TBC1D12: variants seen among roughly 807,000 people sequenced by gnomAD.
TBC1D12 encodes the protein TBC1 domain family, member 12.
Under a neutral mutation model 86.7 loss-of-function variants are expected in TBC1D12, and 56 were observed. The observed-to-expected ratio is 0.65, with a 90% CI of 0.52 to 0.81. The LOEUF (loss-of-function observed/expected upper bound fraction) is 0.81, where lower values mean the gene tolerates loss of function less well. TBC1D12 is among the 30% of genes least tolerant of loss of function. The pLI, the probability that TBC1D12 is intolerant of heterozygous loss-of-function variation, is 0.00. For missense variants in TBC1D12, 1,023 were observed against 1,038.8 expected, an observed-to-expected ratio of 0.98 and a Z score of 0.21; for synonymous variants, 421 against 411.7, an observed-to-expected ratio of 1.02 and a Z score of -0.27.
At chr10:94,464,182 G>A (rs2055772618) in intron 2 of TBC1D12, among the ~76,000 whole-genome samples, 1 of 151,864 alleles carries the variant, frequency 6.6e-6, no homozygotes, top group African/African-American at 2.4e-5. Flanking sequence ...GTTGGGTCTT[G>A]CTTTTGTATA....
intron 3 of TBC1D12, among the ~76,000 whole-genome samples, chr10:94,484,328 A>C (rs923065399): frequency 6.8e-6 from 1 of 146,636 alleles, no homozygotes; most frequent in African/African-American, 2.5e-5. Context: ...GCTCACCGCA[A>C]CCTCCACCTC....
chr10:94,502,530 C>T (rs1431755466), intron 6 of TBC1D12, among the ~76,000 whole-genome samples: 1 of 151,852 alleles, frequency 6.6e-6, no homozygotes, highest in Non-Finnish European at 1.5e-5. Flanking sequence ...CATAGCGAGA[C>T]CCCGTCTCTA....
intron 2 of TBC1D12, among the ~76,000 whole-genome samples, chr10:94,454,914 T>C (rs558058062): frequency 6.6e-6 from 1 of 152,342 alleles, no homozygotes; most frequent in South Asian, 2.1e-4. Context: ...TCCAGAACAA[T>C]GTTGAGAAGC....
intron 11 of TBC1D12, among the ~76,000 whole-genome samples, chr10:94,524,810 G>A (rs1214828164): frequency 2.1e-5 from 3 of 145,664 alleles, no homozygotes; most frequent in Non-Finnish European, 3.0e-5. Context: ...TTATTTTTTC[G>A]TTCATTAAAA....
intron 9 of TBC1D12, among the ~76,000 whole-genome samples, chr10:94,518,869 G>A (rs1160200503): frequency 6.6e-6 from 1 of 152,194 alleles, no homozygotes; most frequent in Non-Finnish European, 1.5e-5. Flanking sequence ...GAAGTCAGGA[G>A]TTTGAGACCA....
chr10:94,496,938 T>C, intron 4 of TBC1D12, 117 bp from the exon 5 acceptor site: 1 of 496,310 alleles, frequency 2.0e-6, no homozygotes, highest in South Asian at 4.4e-5. Context: ...TTTCCTTCCT[T>C]CCTCTTATGA....
intron 2 of TBC1D12, among the ~76,000 whole-genome samples, chr10:94,445,828 A>T (rs1034292724): frequency 6.6e-6 from 1 of 151,728 alleles, no homozygotes; most frequent in African/African-American, 2.4e-5. Flanking sequence ...GGTGCCTATA[A>T]TTCCAGCTGC....
intron 9 of TBC1D12, among the ~76,000 whole-genome samples, chr10:94,515,302 A>G (rs2056577692): frequency 6.6e-6 from 1 of 151,670 alleles, no homozygotes; most frequent in Non-Finnish European, 1.5e-5. Flanking sequence ...CAGGGGATAT[A>G]TTCCAAGACA....
Position 94,452,187 on chromosome 10 carries a change from G to A in TBC1D12, c.1095+10168G>A, listed in dbSNP as rs536751220. ...CAGATTTGAGGAGAAAGTACAGAGA[G>A]TTCCATATAACTCCTGTCCCCACAT... On this transcript the variant is annotated intron_variant, in intron 2 of 12. Coordinates refer to ENST00000225235, the MANE Select transcript of TBC1D12 (RefSeq NM_015188.2). Among the ~76,000 whole-genome samples, 6 of 152,018 alleles carry A rather than the reference G, an allele frequency of 3.9e-5. No homozygotes were observed. In the South Asian group the frequency reaches 1.2e-3, roughly 32 times the overall value.
intron 2 of TBC1D12, among the ~76,000 whole-genome samples, chr10:94,443,294 C>G (rs887698678): frequency 1.3e-5 from 2 of 152,166 alleles, no homozygotes; most frequent in Non-Finnish European, 2.9e-5. Context: ...GCCTCCTCCT[C>G]TCCCTGTAAA....
intron 1 of TBC1D12, among the ~76,000 whole-genome samples, chr10:94,439,841 A>G (rs1348265264): frequency 6.6e-6 from 1 of 152,246 alleles, no homozygotes; most frequent in Non-Finnish European, 1.5e-5. Context: ...TGGAAGGAAA[A>G]TGATAGCCAT....
At chr10:94,418,050 G>A (rs1019375374) in intron 1 of TBC1D12, among the ~76,000 whole-genome samples, 1 of 152,070 alleles carries the variant, frequency 6.6e-6, no homozygotes, top group South Asian at 2.1e-4. Context: ...CACCGCGCCC[G>A]GCCCATGTAT....
intron 3 of TBC1D12, 144 bp downstream of exon 3, chr10:94,474,927 A>G: frequency 2.6e-6 from 2 of 771,724 alleles, no homozygotes; most frequent in Non-Finnish European, 4.1e-6. Flanking sequence ...CTATCCTAAA[A>G]CTATTTGGGG....
intron 11 of TBC1D12, among the ~76,000 whole-genome samples, chr10:94,523,734 G>A (rs748270175): frequency 6.6e-6 from 1 of 152,052 alleles, no homozygotes; most frequent in African/African-American, 2.4e-5. Flanking sequence ...AGGCCAAGGC[G>A]GGAGGATTGC....
rs2056472335 is a variant in TBC1D12, at chr10:94,507,342, CAGA to C, written c.1598_1600del (p.Glu533del). On this transcript the variant is annotated inframe_deletion and splice_region_variant, in exon 7 of 13. Coordinates refer to ENST00000225235, the MANE Select transcript of TBC1D12 (RefSeq NM_015188.2). ...AGTGAAACAAGTTCAGAGAATGATACAGAAGGTGTGATTTCTTTTTTTAAATAA... is the reference window on the plus strand; with the variant it reads ...AGTGAAACAAGTTCAGAGAATGATACAGGTGTGATTTCTTTTTTTAAATAA... 6.3e-7 allele frequency: 1 copy of C among 1,594,826 alleles called. No individual in the cohort carries two copies. Among genetic ancestry groups the C allele is most frequent in the Non-Finnish European group, 8.5e-7 (1 of 1,175,710 alleles).
intron 3 of TBC1D12, 55 bp from the exon 4 acceptor site, chr10:94,493,310 A>C: frequency 7.4e-7 from 1 of 1,349,660 alleles, no homozygotes; most frequent in African/African-American, 1.5e-5. Context: ...TAAGTTAGTA[A>C]GTTGAAAGTT....
chr10:94,487,767 G>A (rs554974705), intron 3 of TBC1D12, among the ~76,000 whole-genome samples: 8 of 143,240 alleles, frequency 5.6e-5, no homozygotes, highest in South Asian at 2.2e-4. Context: ...TACAGTCATC[G>A]CTGACTGTGG....
chr10:94,469,975 G>A (rs1295945185), intron 2 of TBC1D12, among the ~76,000 whole-genome samples: 3 of 152,292 alleles, frequency 2.0e-5, no homozygotes, highest in Non-Finnish European at 2.9e-5. Flanking sequence ...GAAAGTTGGT[G>A]TGAGTTACCC....
chr10:94,510,355 A>T (rs538065039), intron 8 of TBC1D12, among the ~76,000 whole-genome samples, 176 bp downstream of exon 8: 1 of 152,342 alleles, frequency 6.6e-6, no homozygotes, highest in Admixed American at 6.5e-5. Context: ...CTATTATTTT[A>T]TTCCACTGAC....
Sources: allele counts gnomAD v4.1 joint callset (sites outside exome capture counted in the v4.1 genomes callset), GRCh38; gene constraint gnomAD v4.1.1; transcripts MANE v1.5; gene names NCBI Gene and HGNC (gene_info 2026-07-23, HGNC 2026-07-21).